DNM3: variants seen among roughly 807,000 people sequenced by gnomAD.
DNM3 encodes the protein dynamin-3.
Under a neutral mutation model 101.6 loss-of-function variants are expected in DNM3, and 47 were observed. The ratio of observed to expected loss-of-function variants is 0.46; its 90% CI spans 0.37 to 0.59. The LOEUF is 0.59. Ranked by LOEUF, DNM3 falls within the 20% of genes least tolerant of loss-of-function variation. DNM3 has a pLI of 0.00. For missense variants in DNM3, 849 were observed against 1,085.7 expected (o/e 0.78, Z 3.06); for synonymous variants, 385 against 387.9 (o/e 0.99, Z 0.09).
intron 14 of DNM3, among the ~76,000 whole-genome samples, chr1:172,228,409 G>A (rs10911337): frequency 0.29 from 43,991 of 151,598 alleles, 6,770 homozygotes; most frequent in Middle Eastern, 0.44. Context: ...CTCTTTCTTC[G>A]CTCTCTTCTA....
At chr1:171,872,320 C>T (rs1024844080) in intron 1 of DNM3, among the ~76,000 whole-genome samples, 1 of 152,186 alleles carries the variant, frequency 6.6e-6, no homozygotes, top group East Asian at 1.9e-4. Flanking sequence ...TTATCTCCCA[C>T]CCCAAAATAG....
intron 2 of DNM3, among the ~76,000 whole-genome samples, chr1:171,926,827 A>G (rs762951804): frequency 3.3e-5 from 5 of 152,238 alleles, no homozygotes; most frequent in Non-Finnish European, 7.3e-5. Context: ...TAGATTCAGA[A>G]AAAGTATTTG....
rs12089309 is a variant in DNM3, at chr1:171,852,200, T to C, written c.161+10383T>C. ...ATACCACATAAATCCCTTTCCCCTATTGAGGTTTCTTAGTAAGATGTTTCA... is the reference window on the plus strand; with the variant it reads ...ATACCACATAAATCCCTTTCCCCTACTGAGGTTTCTTAGTAAGATGTTTCA... On this transcript the variant is annotated intron_variant, in intron 1 of 20. Coordinates refer to ENST00000627582, the MANE Select transcript of DNM3 (RefSeq NM_015569.5). Among the ~76,000 whole-genome samples, 1,275 of 152,350 alleles carry C rather than the reference T, an allele frequency of 8.4e-3. 24 individuals carry two copies. Among genetic ancestry groups the C allele is most frequent in the African/African-American group, 0.029 (1,214 of 41,578 alleles).
At chr1:171,849,092 C>T (rs2032590812) in intron 1 of DNM3, among the ~76,000 whole-genome samples, 1 of 152,142 alleles carries the variant, frequency 6.6e-6, no homozygotes. Context: ...GTTTATCCTT[C>T]CAGTGGCTTG....
chr1:172,040,646 A>G (rs2049309617), intron 7 of DNM3, among the ~76,000 whole-genome samples: 1 of 152,140 alleles, frequency 6.6e-6, no homozygotes, highest in African/African-American at 2.4e-5. Flanking sequence ...AGACATGGCA[A>G]TGTTAATGTA....
intron 15 of DNM3, among the ~76,000 whole-genome samples, chr1:172,306,510 C>A (rs1365179491): frequency 6.6e-6 from 1 of 152,106 alleles, no homozygotes; most frequent in African/African-American, 2.4e-5. Flanking sequence ...ACTTTCTTCA[C>A]AGAATTGGAA....
intron 1 of DNM3, among the ~76,000 whole-genome samples, chr1:171,895,559 T>A (rs2037709289): frequency 1.3e-5 from 2 of 152,260 alleles, no homozygotes; most frequent in Admixed American, 1.3e-4. Context: ...GATGGGTAGA[T>A]TGCAAAATTT....
intron 17 of DNM3, among the ~76,000 whole-genome samples, chr1:172,332,552 G>A (rs181558527): frequency 1.6e-4 from 24 of 152,084 alleles, no homozygotes; most frequent in Middle Eastern, 6.8e-3. Context: ...TCAGGCAATC[G>A]CCCACCTTAG....
intron 12 of DNM3, among the ~76,000 whole-genome samples, chr1:172,083,719 A>G (rs776737699): frequency 6.6e-6 from 1 of 152,128 alleles, no homozygotes; most frequent in African/African-American, 2.4e-5. Flanking sequence ...TTCTATGATA[A>G]ATGAGCTAGA....
intron 1 of DNM3, among the ~76,000 whole-genome samples, chr1:171,891,643 TGAGGAGTACTCATTAG>T (rs1337035684): frequency 2.8e-4 from 43 of 152,320 alleles, no homozygotes; most frequent in South Asian, 6.2e-4. Flanking sequence ...TTGACAGTTT[TGAGGAGTACTCATTAG>T]GTATTTTATA....
chr1:172,214,903 A>T (rs2060638505), intron 14 of DNM3, among the ~76,000 whole-genome samples: 1 of 152,118 alleles, frequency 6.6e-6, no homozygotes, highest in Admixed American at 6.6e-5. Context: ...ATAGACAAAA[A>T]TGCAGAAAAC....
intron 2 of DNM3, among the ~76,000 whole-genome samples, chr1:171,953,039 C>T (rs781371920): frequency 1.3e-5 from 2 of 152,016 alleles, no homozygotes; most frequent in Non-Finnish European, 2.9e-5. Context: ...CCATGATAGT[C>T]CTTTGTTGGA....
intron 14 of DNM3, among the ~76,000 whole-genome samples, chr1:172,244,014 C>T (rs978452612): frequency 4.6e-5 from 7 of 152,072 alleles, no homozygotes; most frequent in African/African-American, 1.7e-4. Flanking sequence ...ATCCCTTCCC[C>T]CTCCCCTCAC....
At chr1:172,163,902 CAT>C (rs1385212545) in intron 14 of DNM3, among the ~76,000 whole-genome samples, 2 of 30,644 alleles carry the variant, frequency 6.5e-5, no homozygotes, top group Non-Finnish European at 1.2e-4. Flanking sequence ...TATATATGCA[CAT>C]GTGTATATAT....
At chr1:171,889,765 T>C (rs780723861) in intron 1 of DNM3, among the ~76,000 whole-genome samples, 76 of 152,322 alleles carry the variant, frequency 5.0e-4, no homozygotes, top group African/African-American at 1.6e-3. Flanking sequence ...TTAGGGAAGA[T>C]GGAAAAGGCT....
chr1:171,864,338 C>T (rs979855315), intron 1 of DNM3: 2 of 152,182 alleles, frequency 1.3e-5, no homozygotes, highest in African/African-American at 2.4e-5. Context: ...TGGAAGAACA[C>T]ATTTGGTGTA....
intron 4 of DNM3, among the ~76,000 whole-genome samples, chr1:171,993,533 TATG>T (rs1399912723): frequency 6.8e-6 from 1 of 147,350 alleles, no homozygotes; most frequent in African/African-American, 2.5e-5. Flanking sequence ...GCAGTTTGAT[TATG>T]ATATCTGTAG....
At chr1:171,889,857 T>A (rs912441556) in intron 1 of DNM3, among the ~76,000 whole-genome samples, 3 of 152,224 alleles carry the variant, frequency 2.0e-5, no homozygotes, top group Non-Finnish European at 4.4e-5. Flanking sequence ...AGGTGAAAGT[T>A]GGGCTTTAAG....
intron 14 of DNM3, among the ~76,000 whole-genome samples, chr1:172,215,889 T>G (rs6689455): frequency 0.48 from 71,823 of 150,940 alleles, 17,382 homozygotes; most frequent in Middle Eastern, 0.64. Context: ...CCTAAAGAGT[T>G]ATAAAGCCTT....
Sources: gnomAD v4.1 joint callset for allele counts (sites outside exome capture counted in the v4.1 genomes callset) on GRCh38, gnomAD v4.1.1 for gene constraint, MANE v1.5 for transcripts, NCBI Gene and HGNC (gene_info 2026-07-23, HGNC 2026-07-21) for gene names.